TAFA5: variants seen among roughly 807,000 people sequenced by gnomAD.
TAFA5 encodes the protein chemokine-like protein TAFA-5.
A neutral mutation model predicts 15.3 loss-of-function variants in TAFA5; 6 were observed. The observed-to-expected ratio is 0.39, with a 90% CI of 0.21 to 0.77. The LOEUF (loss-of-function observed/expected upper bound fraction) is 0.77. Ranked by LOEUF, TAFA5 falls within the 30% of genes least tolerant of loss-of-function variation. The pLI is 0.41. For missense variants in TAFA5, 161 were observed against 193.1 expected (o/e 0.83, Z 0.98); for synonymous variants, 103 against 80.7 (o/e 1.28, Z -1.48).
chr22:48,607,392 T>G (rs1925231521), intron 1 of TAFA5, among the ~76,000 whole-genome samples: 1 of 135,640 alleles, frequency 7.4e-6, no homozygotes, highest in South Asian at 2.3e-4. Flanking sequence ...CCATCCCAGG[T>G]ACCTCAGCCT....
At chr22:48,717,648 T>G (rs1929442681) in intron 3 of TAFA5, among the ~76,000 whole-genome samples, 1 of 152,198 alleles carries the variant, frequency 6.6e-6, no homozygotes, top group Non-Finnish European at 1.5e-5. Flanking sequence ...CACGTATTCA[T>G]CAGGCCCCGT....
At chr22:48,675,373 G>A (rs1384944873) in intron 2 of TAFA5, among the ~76,000 whole-genome samples, 1 of 152,206 alleles carries the variant, frequency 6.6e-6, no homozygotes, top group African/African-American at 2.4e-5. Context: ...TGCAGCGGGA[G>A]ACAGAGCAGG....
At chr22:48,520,836 A>G (rs1921576856) in intron 1 of TAFA5, among the ~76,000 whole-genome samples, 1 of 152,084 alleles carries the variant, frequency 6.6e-6, no homozygotes, top group South Asian at 2.1e-4. Context: ...GGAAAAGCCC[A>G]CTGTCTTTCA....
chr22:48,512,615 G>A (rs575248554), intron 1 of TAFA5, among the ~76,000 whole-genome samples: 3 of 151,736 alleles, frequency 2.0e-5, no homozygotes, highest in African/African-American at 7.3e-5. Flanking sequence ...GATAGAGCGA[G>A]ACTTTGTCTC....
intron 3 of TAFA5, among the ~76,000 whole-genome samples, chr22:48,713,730 C>T (rs1315030334): frequency 6.6e-6 from 1 of 152,232 alleles, no homozygotes; most frequent in Non-Finnish European, 1.5e-5. Context: ...AGCCCCTGTC[C>T]CAGTGGATGG....
At chr22:48,587,808 A>G (rs912051510) in intron 1 of TAFA5, among the ~76,000 whole-genome samples, 1 of 152,218 alleles carries the variant, frequency 6.6e-6, no homozygotes, top group African/African-American at 2.4e-5. Context: ...TTTGCGTTTT[A>G]AAAATCAAAT....
At chr22:48,747,608 G>T (rs918546692) in intron 3 of TAFA5, among the ~76,000 whole-genome samples, 1 of 152,122 alleles carries the variant, frequency 6.6e-6, no homozygotes, top group Non-Finnish European at 1.5e-5. Context: ...TCAGGACAGC[G>T]TGTTCTGGCC....
At chr22:48,514,305 C>G (rs73888403) in intron 1 of TAFA5, among the ~76,000 whole-genome samples, 2,839 of 152,328 alleles carry the variant, frequency 0.019, 105 homozygotes, top group African/African-American at 0.064. Flanking sequence ...CTTGGCATCT[C>G]ACGTTGGTGA....
At chr22:48,731,604 C>A (rs188599149) in intron 3 of TAFA5, among the ~76,000 whole-genome samples, 1 of 152,212 alleles carries the variant, frequency 6.6e-6, no homozygotes, top group Non-Finnish European at 1.5e-5. Flanking sequence ...AAACCTACTC[C>A]GCCTGTGCTC....
chr22:48,644,097 G>A (rs561588550), intron 1 of TAFA5, among the ~76,000 whole-genome samples: 48 of 152,298 alleles, frequency 3.2e-4, no homozygotes, highest in African/African-American at 7.7e-4. Flanking sequence ...CTCTTTCCTC[G>A]TGGTATTTAT....
At chr22:48,613,226 C>T (rs941008840) in intron 1 of TAFA5, among the ~76,000 whole-genome samples, 1 of 152,196 alleles carries the variant, frequency 6.6e-6, no homozygotes, top group Non-Finnish European at 1.5e-5. Context: ...CCCTGGAGTC[C>T]TCTCTTCAAC....
chr22:48,731,094 A>G (rs1460973322), intron 3 of TAFA5, among the ~76,000 whole-genome samples: 1 of 152,256 alleles, frequency 6.6e-6, no homozygotes, highest in African/African-American at 2.4e-5. Flanking sequence ...AGAAAGGGAT[A>G]GAAAGTTTTA....
At chr22:48,524,196 CAG>C (rs1921703134) in intron 1 of TAFA5, among the ~76,000 whole-genome samples, 1 of 152,236 alleles carries the variant, frequency 6.6e-6, no homozygotes, top group Admixed American at 6.5e-5. Context: ...ACGCTGACCT[CAG>C]GGCCTCCATC....
At chr22:48,506,025 A>G (rs1286545355) in intron 1 of TAFA5, among the ~76,000 whole-genome samples, 3 of 152,118 alleles carry the variant, frequency 2.0e-5, no homozygotes, top group Non-Finnish European at 2.9e-5. Context: ...AGCCCTGAAG[A>G]TAACCCTTTC....
intron 2 of TAFA5, among the ~76,000 whole-genome samples, chr22:48,705,090 T>C (rs1280438672): frequency 6.6e-6 from 1 of 152,156 alleles, no homozygotes; most frequent in Non-Finnish European, 1.5e-5. Context: ...CATCTAACCT[T>C]CTTCACCTTC....
At chr22:48,688,088 T>TG (rs1928421144) in intron 2 of TAFA5, among the ~76,000 whole-genome samples, 1 of 145,264 alleles carries the variant, frequency 6.9e-6, no homozygotes, top group Admixed American at 6.8e-5. Context: ...TATTGTTTTT[T>TG]TGTGTGTTTT....
chr22:48,724,679 T>C (rs1203929534), intron 3 of TAFA5, among the ~76,000 whole-genome samples: 1 of 152,234 alleles, frequency 6.6e-6, no homozygotes, highest in Non-Finnish European at 1.5e-5. Flanking sequence ...GCCCGTGCCT[T>C]ATCCTCTGAG....
At position 48,707,816 on chromosome 22, in the gene TAFA5, A is replaced by G. The variant is rs201049831; in HGVS notation, c.362A>G (p.Gln121Arg). Residue 121 changes from glutamine to arginine, a missense_variant, in exon 3 of 4, where the codon CAG (glutamine) becomes CGG (arginine). Coordinates refer to ENST00000402357, the MANE Select transcript of TAFA5 (RefSeq NM_001082967.3). ...LINRSGWTCTQPGGRIKTTTV... is the reference protein window; with the variant it reads ...LINRSGWTCTRPGGRIKTTTV... ...AACCGGTCAGGCTGGACGTGCACGC[A>G]GCCCGGCGGGAGGATAAAGACCACC... is the stretch of plus-strand genomic sequence containing the variant. 6.8e-6 allele frequency: 11 copies of G among 1,613,706 alleles called. No individual in the cohort carries two copies. In the East Asian group the frequency reaches 2.2e-4, roughly 33 times the overall value.
chr22:48,655,497 G>A (rs140079081), intron 2 of TAFA5, among the ~76,000 whole-genome samples: 10 of 152,310 alleles, frequency 6.6e-5, no homozygotes, highest in African/African-American at 1.2e-4. Flanking sequence ...CCATCCTCAC[G>A]TGGTGGAAGG....
Sources: allele counts gnomAD v4.1 joint callset (sites outside exome capture counted in the v4.1 genomes callset), GRCh38; gene constraint gnomAD v4.1.1; transcripts MANE v1.5; gene names NCBI Gene and HGNC (gene_info 2026-07-23, HGNC 2026-07-21).